B3GNT3: variants seen among roughly 807,000 people sequenced by gnomAD.
B3GNT3 encodes the protein N-acetyllactosaminide beta-1,3-N-acetylglucosaminyltransferase 3.
A neutral mutation model predicts 11.6 loss-of-function variants in B3GNT3; 7 were observed. The observed-to-expected ratio is 0.60, with a 90% CI of 0.34 to 1.13. B3GNT3 has a LOEUF of 1.13. Ranked by LOEUF, B3GNT3 falls within the 50% of genes most tolerant of loss-of-function variation. The probability of loss-of-function intolerance (pLI) is 0.03; values close to 1 mark genes in which losing one functional copy is unlikely to be tolerated. For synonymous variants in B3GNT3, 201 were observed against 222.1 expected (o/e 0.90, Z 0.85); for missense variants, 400 against 507.4 (o/e 0.79, Z 2.03).
chr19:17,807,071 T>A (rs1193153147), intron 1 of B3GNT3, among the ~76,000 whole-genome samples: 2 of 148,266 alleles, frequency 1.3e-5, no homozygotes, highest in Non-Finnish European at 3.0e-5. Flanking sequence ...ACACAGCTAA[T>A]ATGCATCAAG....
intron 1 of B3GNT3, among the ~76,000 whole-genome samples, chr19:17,805,199 A>G (rs1313192910): frequency 6.6e-6 from 1 of 150,940 alleles, no homozygotes; most frequent in Admixed American, 6.6e-5. Flanking sequence ...TCCTGGGGTC[A>G]GGCAATCCTC....
chr19:17,797,206 C>T (rs1277680644), intron 1 of B3GNT3, among the ~76,000 whole-genome samples: 2 of 152,148 alleles, frequency 1.3e-5, no homozygotes, highest in African/African-American at 4.8e-5. Flanking sequence ...CAGGACCTGG[C>T]ATATTGATCC....
rs1483973922 is a variant in B3GNT3, at chr19:17,812,857, G to A, written c.*735G>A. 1 of 152,172 alleles carries A rather than the reference G, an allele frequency of 6.6e-6. No individual in the cohort carries two copies. Among genetic ancestry groups the A allele is most frequent in the Non-Finnish European group, 1.5e-5 (1 of 68,082 alleles). The allele number at this position is 152,172 out of a possible 1,614,324, so 9.4% of individuals were successfully genotyped here. On this transcript the variant is annotated 3_prime_UTR_variant, in exon 3 of 3. Coordinates refer to ENST00000318683, the MANE Select transcript of B3GNT3 (RefSeq NM_014256.4). ...ACTGGGGCTGGAATGATCTTTAATG[G>A]GCCCAAGGCCAACAGGCATATGCCT...
chr19:17,796,115 A>C (rs1206296829), intron 1 of B3GNT3, among the ~76,000 whole-genome samples: 1 of 151,884 alleles, frequency 6.6e-6, no homozygotes, highest in Non-Finnish European at 1.5e-5. Flanking sequence ...GAGGTGGGGG[A>C]CTCACTTTGT....
In B3GNT3 at chr19:17,812,378, C is replaced by A. The variant is rs1414500093; in HGVS notation, c.*256C>A. The A allele has an allele frequency of 6.3e-6, 3 of 477,940 alleles. No individual in the cohort carries two copies. Among genetic ancestry groups the A allele is most frequent in the African/African-American group, 5.8e-5 (3 of 51,366 alleles). The allele number at this position is 477,940 out of a possible 1,614,324, so 29.6% of individuals were successfully genotyped here. On this transcript the variant is annotated 3_prime_UTR_variant, in exon 3 of 3. Coordinates refer to ENST00000318683, the MANE Select transcript of B3GNT3 (RefSeq NM_014256.4). Reference sequence around the variant, plus strand: ...ATCTTCTTTTTGTGGCTGCTAATGGCAGAAGTGCCTGTGCTAGAGTTCCAA... The same window carrying A: ...ATCTTCTTTTTGTGGCTGCTAATGGAAGAAGTGCCTGTGCTAGAGTTCCAA...
intron 2 of B3GNT3, among the ~76,000 whole-genome samples, chr19:17,808,902 C>T (rs2094177193): frequency 6.6e-6 from 1 of 151,940 alleles, no homozygotes; most frequent in South Asian, 2.1e-4. Context: ...TGCAGTGGTG[C>T]GATCTGGGCT....
intron 1 of B3GNT3, among the ~76,000 whole-genome samples, chr19:17,800,416 A>C (rs1327014823): frequency 6.6e-6 from 1 of 152,112 alleles, no homozygotes; most frequent in African/African-American, 2.4e-5. Flanking sequence ...AGGGCGACAG[A>C]GGTGCCTGGA....
Position 17,813,277 on chromosome 19 carries a change from T to C in B3GNT3, c.*1155T>C, listed in dbSNP as rs2094183574. On this transcript the variant is annotated 3_prime_UTR_variant, in exon 3 of 3. Coordinates refer to ENST00000318683, the MANE Select transcript of B3GNT3 (RefSeq NM_014256.4). ...TTGAGCCCAGGAGTTCTGGATCCTG[T>C]CTCTGCACAAAATAAAAAATTACTC... is the stretch of plus-strand genomic sequence containing the variant. Among the ~76,000 whole-genome samples, 1 of 151,778 alleles carries C rather than the reference T, an allele frequency of 6.6e-6. No homozygotes were observed. Among genetic ancestry groups the C allele is most frequent in the Non-Finnish European group, 1.5e-5 (1 of 67,952 alleles).
intron 1 of B3GNT3, among the ~76,000 whole-genome samples, chr19:17,803,273 C>T (rs1024470110): frequency 3.9e-5 from 6 of 152,048 alleles, no homozygotes; most frequent in Admixed American, 3.9e-4. Flanking sequence ...CCCAAAGTAC[C>T]GGGATTACAG....
At chr19:17,798,230 C>T (rs1030480143) in intron 1 of B3GNT3, among the ~76,000 whole-genome samples, 16 of 152,348 alleles carry the variant, frequency 1.1e-4, no homozygotes, top group African/African-American at 3.6e-4. Context: ...AGTGGTGTAT[C>T]AGCGTCCTGG....
chr19:17,809,590 G>T (rs1243300536), intron 2 of B3GNT3, among the ~76,000 whole-genome samples: 2 of 151,780 alleles, frequency 1.3e-5, no homozygotes, highest in African/African-American at 4.8e-5. Context: ...GGGAATACAG[G>T]TGCATGCCAC....
intron 1 of B3GNT3, among the ~76,000 whole-genome samples, chr19:17,804,046 G>A (rs1416397559): frequency 6.6e-6 from 1 of 151,932 alleles, no homozygotes; most frequent in African/African-American, 2.4e-5. Flanking sequence ...CTGGCTTATA[G>A]GCCATGGTGT....
chr19:17,797,648 C>T (rs41526947), intron 1 of B3GNT3, among the ~76,000 whole-genome samples: 9,129 of 152,124 alleles, frequency 0.06, 306 homozygotes, highest in Middle Eastern at 0.078. Flanking sequence ...CCTAGAAACC[C>T]GGGACACCAA....
Position 17,811,582 on chromosome 19 carries a change from A to G in B3GNT3, c.579A>G (p.Leu193=). The stretch of plus-strand genomic sequence containing the variant: ...CACCCTGCCTGCAGGTCCTGTTCTT[A>G]CAGTGGCAGGAGACAAGGTGCGCCA... ...FNLTLKQVLF[L]QWQETRCANA... is the part of the protein sequence containing the mutation. The change falls in exon 3 of 3, where the codon TTA becomes TTG. Residue 193 remains leucine (L), a synonymous_variant. Transcript: ENST00000318683. The surrounding 1 kb of genome is among the most constrained non-coding windows in gnomAD (Gnocchi z 4.1). The G allele has an allele frequency of 6.2e-7, 1 of 1,611,528 alleles. No homozygotes were observed. The highest frequency in any genetic ancestry group is 2.2e-5 in the East Asian group (1 of 44,848).
intron 1 of B3GNT3, among the ~76,000 whole-genome samples, chr19:17,799,270 T>A (rs920796126): frequency 1.1e-5 from 1 of 90,852 alleles, no homozygotes; most frequent in South Asian, 3.0e-4. Flanking sequence ...CCATTCCAGC[T>A]TTTTTTTTTT....
At chr19:17,804,238 T>C (rs2094169901) in intron 1 of B3GNT3, among the ~76,000 whole-genome samples, 2 of 143,450 alleles carry the variant, frequency 1.4e-5, no homozygotes, top group South Asian at 4.2e-4. Flanking sequence ...TTTCTTTTTT[T>C]TCTTTTTTTT....
chr19:17,807,715 G>T (rs76142682), intron 1 of B3GNT3, 43 bp from the exon 2 acceptor site: 79,109 of 1,254,242 alleles, frequency 0.063, 2,841 homozygotes, highest in Middle Eastern at 0.076. Context: ...CAGGAAAAGC[G>T]CTTTGCTCAT....
At chr19:17,809,453 AT>A (rs58212084) in intron 2 of B3GNT3, among the ~76,000 whole-genome samples, 4,288 of 145,566 alleles carry the variant, frequency 0.029, 121 homozygotes, top group East Asian at 0.14. Context: ...TTTTTAATTA[AT>A]TTTTTTTTTT....
At position 17,811,970 on chromosome 19, in the gene B3GNT3, C is replaced by T. The variant is rs560672467; in HGVS notation, c.967C>T (p.Arg323Trp). The T allele has an allele frequency of 8.1e-6, 13 of 1,607,296 alleles. No individual in the cohort carries two copies. The East Asian group carries it at 1.3e-4, about 17-fold the overall frequency. Residue 323 changes from arginine to tryptophan, a missense_variant, in exon 3 of 3, where the codon CGG becomes TGG. Physicochemically the swap from Arg to Trp is moderately radical, Grantham distance 101. Coordinates refer to ENST00000318683, the MANE Select transcript of B3GNT3 (RefSeq NM_014256.4). The surrounding 1 kb of genome is among the most constrained non-coding windows in gnomAD (Gnocchi z 4.1). Reference protein sequence around the residue: ...SHSGIRTSGVRAPSQRLSSFD... With the variant: ...SHSGIRTSGVWAPSQRLSSFD... ...CAGCGGCATCCGCACGTCTGGCGTG[C>T]GGGCTCCATCGCAACGCCTGTCCTC... is the stretch of plus-strand genomic sequence containing the variant.
Sources: gnomAD v4.1 joint callset for allele counts (sites outside exome capture counted in the v4.1 genomes callset) on GRCh38, gnomAD v4.1.1 for gene constraint, Gnocchi (gnomAD v3.1) non-coding constraint, MANE v1.5 for transcripts, NCBI Gene and HGNC (gene_info 2026-07-23, HGNC 2026-07-21) for gene names.